JAG1: variants seen among roughly 807,000 people sequenced by gnomAD.
JAG1 encodes the protein jagged canonical Notch ligand 1.
Under a neutral mutation model 148.7 loss-of-function variants are expected in JAG1, and 23 were observed. That is an observed-to-expected ratio of 0.15 (90% CI 0.11 to 0.22). The LOEUF is 0.22. Ranked by LOEUF, JAG1 falls within the 10% of genes least tolerant of loss-of-function variation. The pLI, the probability that JAG1 is intolerant of heterozygous loss-of-function variation, is 1.00. For missense variants in JAG1, 1,054 were observed against 1,611.2 expected (o/e 0.65, Z 5.92); for synonymous variants, 572 against 598.3 (o/e 0.96, Z 0.64).
At chr20:10,640,105 G>A in intron 25 of JAG1, 150 bp from the exon 26 acceptor site, 2 of 709,222 alleles carry the variant, frequency 2.8e-6, no homozygotes, top group South Asian at 1.6e-5. Flanking sequence ...CATTGCATAT[G>A]GTCACTTCAC....
At position 10,639,677 on chromosome 20, in the gene JAG1, C is replaced by T. The variant is rs755047447; in HGVS notation, c.3478G>A (p.Asp1160Asn). The T allele has an allele frequency of 5.2e-5, 84 of 1,614,060 alleles. No homozygotes were observed. Among genetic ancestry groups the T allele is most frequent in the Admixed American group, 8.3e-5 (5 of 60,002 alleles). ...GCTTTCTGCTGGTGTTTGTCCATGT[C>T]GTCCTCTTCTACTTCAGAATTGTGT... Reference protein sequence around the residue: ...RTHNSEVEEDDMDKHQQKARF... With the variant: ...RTHNSEVEEDNMDKHQQKARF... Residue 1160 changes from aspartate to asparagine, a missense_variant, in exon 26 of 26, where the codon GAC (aspartate) becomes AAC (asparagine). Around this residue, in one of 6 missense-constraint regions of JAG1, gnomAD observed 177 missense variants for 177.3 expected, o/e 1.00. Transcript: ENST00000254958.
intron 3 of JAG1, among the ~76,000 whole-genome samples, chr20:10,663,369 A>G (rs1343108594): frequency 6.6e-6 from 1 of 152,224 alleles, no homozygotes; most frequent in Non-Finnish European, 1.5e-5. Context: ...ATCCACCAAA[A>G]CCAACCCCTC....
intron 19 of JAG1, 108 bp from the exon 20 acceptor site, chr20:10,643,971 G>A: frequency 1.2e-6 from 1 of 841,246 alleles, no homozygotes; most frequent in Non-Finnish European, 2.0e-6. Context: ...CTCACCCCAT[G>A]GCCGTTGCCT....
chr20:10,641,589 G>A lies in JAG1; in HGVS notation c.2787C>T (p.Pro929=), dbSNP rs1443854696. ...PILDDQCFVH[P]CTGVGECRSS... ...ACCGACACTCGCCCACACCAGTGCA[G>A]GGGTGGACGAAGCACTGGTCGTCCA... The change falls in exon 23 of 26, where the codon CCC becomes CCT. Residue 929 remains proline (P), a synonymous_variant. Transcript: ENST00000254958. 6.2e-7 allele frequency: 1 copy of A among 1,614,050 alleles called. No individual in the cohort carries two copies. The highest frequency in any genetic ancestry group is 1.3e-5 in the African/African-American group (1 of 74,946).
At chr20:10,650,542 A>C in intron 8 of JAG1, 182 bp from the exon 9 acceptor site, 2 of 597,622 alleles carry the variant, frequency 3.3e-6, no homozygotes, top group Non-Finnish European at 6.0e-6. Flanking sequence ...TTTAGCTTTA[A>C]ATCCCCCACT....
chr20:10,652,301 C>T (rs750401508), intron 6 of JAG1, 51 bp from the exon 7 acceptor site: 1 of 1,610,956 alleles, frequency 6.2e-7, no homozygotes, highest in Non-Finnish European at 8.5e-7. Flanking sequence ...AGATGGCGAA[C>T]CCACCATGTT....
rs1045589171 is a variant in JAG1 at position 10,672,797 on chromosome 20, C to T, written c.291G>A (p.Gly97=). 2.5e-6 allele frequency: 4 copies of T among 1,613,160 alleles called. No homozygotes were observed. In the South Asian group the frequency reaches 4.4e-5, roughly 18 times the overall value. ...TGTTGCCCCCGATGACAGGCGTGGA[C>T]CCTGAGCCGAAGCTGCAGGGCCCCC... is the stretch of plus-strand genomic sequence containing the variant. ...TAGGPCSFGS[G]STPVIGGNTF... is the part of the protein sequence containing the mutation. Residue 97 remains glycine, a synonymous_variant, in exon 2 of 26, where the codon GGG becomes GGA. Coordinates refer to ENST00000254958, the MANE Select transcript of JAG1 (RefSeq NM_000214.3).
In JAG1 at chr20:10,639,468, C is replaced by G; in HGVS notation, c.*30G>C. The stretch of plus-strand genomic sequence containing the variant: ...TTAAAGAACTACAAGCCCTCAGACT[C>G]TACCTAGCGGCGGCAGTGCCCGCGG... On this transcript the variant is annotated 3_prime_UTR_variant, in exon 26 of 26. Coordinates refer to ENST00000254958, the MANE Select transcript of JAG1 (RefSeq NM_000214.3). 1 of 1,586,168 alleles carries G rather than the reference C, an allele frequency of 6.3e-7. No individual in the cohort carries two copies. The highest frequency in any genetic ancestry group is 8.7e-7 in the Non-Finnish European group (1 of 1,154,254).
chr20:10,658,844 C>T (rs1213858457), intron 3 of JAG1, 122 bp from the exon 4 acceptor site: 1 of 1,124,772 alleles, frequency 8.9e-7, no homozygotes, highest in Non-Finnish European at 1.3e-6. Context: ...GTAAAAAAGG[C>T]AAAGAAATGA....
chr20:10,667,652 T>C (rs1247856237), intron 2 of JAG1, among the ~76,000 whole-genome samples: 1 of 152,134 alleles, frequency 6.6e-6, no homozygotes, highest in African/African-American at 2.4e-5. Context: ...CTGTAGGGCT[T>C]GACATGTCAA....
At chr20:10,651,253 C>A in intron 8 of JAG1, 1 of 288,192 alleles carries the variant, frequency 3.5e-6, no homozygotes, top group Non-Finnish European at 6.8e-6. Flanking sequence ...AAGTGACAAC[C>A]TCCCCTGAAG....
intron 2 of JAG1, among the ~76,000 whole-genome samples, chr20:10,665,488 G>C (rs1679252707): frequency 6.6e-6 from 1 of 152,176 alleles, no homozygotes; most frequent in South Asian, 2.1e-4. Context: ...TATTTTATTA[G>C]CGAAAGTTAT....
rs758876727 is a variant in JAG1, at chr20:10,649,561, C to A, written c.1309G>T (p.Asp437Tyr). The A allele has an allele frequency of 6.2e-7, 1 of 1,613,456 alleles. No homozygotes were observed. The highest frequency in any genetic ancestry group is 1.1e-5 in the South Asian group (1 of 91,066). ...CKNLIASYYC[D>Y]CLPGWMGQNC... ...TGACCCATCCAGCCGGGAAGACAGTCGCAGTAGTAGCTGGCAATGAGATTC... is the reference window on the plus strand; with the variant it reads ...TGACCCATCCAGCCGGGAAGACAGTAGCAGTAGTAGCTGGCAATGAGATTC... The change falls in exon 10 of 26, where the codon GAC (aspartate) becomes TAC (tyrosine). Residue 437 changes from aspartate to tyrosine, a missense_variant. By Grantham distance (160) the Asp-to-Tyr change is radical (BLOSUM62 -3). Transcript: ENST00000254958.
Position 10,645,053 on chromosome 20 carries a change from C to T in JAG1, c.2228-74G>A. 6.6e-7 allele frequency: 1 copy of T among 1,523,380 alleles called. No individual in the cohort carries two copies. The highest frequency in any genetic ancestry group is 9.1e-7 in the Non-Finnish European group (1 of 1,097,366). 94.4% of individuals were successfully genotyped at this position (1,523,380 alleles called of 1,614,324 possible). The stretch of plus-strand genomic sequence containing the variant: ...AGTCTGGAGGGGCAAGAACCAGGCC[C>T]AGAGAAATATCATAAGCTCCAGGGG... On this transcript the variant is annotated intron_variant, in intron 17 of 25. Coordinates refer to ENST00000254958, the MANE Select transcript of JAG1 (RefSeq NM_000214.3). The surrounding 1 kb of genome is among the most constrained non-coding windows in gnomAD (Gnocchi z 6.1).
rs780478823 is a variant in JAG1, at chr20:10,648,731, G to C, written c.1396-9C>G. 1.2e-6 allele frequency: 2 copies of C among 1,613,500 alleles called. No individual in the cohort carries two copies. Among genetic ancestry groups the C allele is most frequent in the African/African-American group, 2.7e-5 (2 of 74,920 alleles). ...TAACCATTAACCAAATCCTAGAAGA[G>C]GAGAAGGGGAGAGAGAGACACATGC... On this transcript the variant is annotated splice_polypyrimidine_tract_variant and intron_variant, in intron 11 of 25. Transcript: ENST00000254958.
At position 10,640,892 on chromosome 20, in the gene JAG1, T is replaced by C. The variant is rs773663158; in HGVS notation, c.3090A>G (p.Glu1030=). The C allele has an allele frequency of 6.2e-7, 1 of 1,614,160 alleles. No individual in the cohort carries two copies. Among genetic ancestry groups the C allele is most frequent in the Non-Finnish European group, 8.5e-7 (1 of 1,179,982 alleles). ...DIRDDGNPIK[E]ITDKIIDLVS... is the part of the protein sequence containing the mutation. ...CAAGATCGATTATTTTGTCAGTGAT[T>C]TCCTTGATCGGGTTCCCATCATCCC... The change falls in exon 25 of 26, where the codon GAA becomes GAG. Residue 1030 remains glutamate, a synonymous_variant. Transcript: ENST00000254958.
rs1342648621 is a variant in JAG1, at chr20:10,645,009, T to TC, written c.2228-31dup. 3 of 1,572,852 alleles carry TC rather than the reference T, an allele frequency of 1.9e-6. No homozygotes were observed. The highest frequency in any genetic ancestry group is 1.7e-5 in the Admixed American group (1 of 59,948). ...AAAAGAAGAGCAGACACGACCACCC[T>TC]CCCTGAGTATCCAGAAACAGTCTGG... On this transcript the variant is annotated intron_variant, in intron 17 of 25. Transcript: ENST00000254958. This position sits in a 1 kb window ranked among gnomAD's most constrained non-coding sequence, Gnocchi z 6.1.
At chr20:10,644,012 G>A (rs929393583) in intron 19 of JAG1, 149 bp from the exon 20 acceptor site, 3 of 727,232 alleles carry the variant, frequency 4.1e-6, no homozygotes, top group Non-Finnish European at 7.3e-6. Context: ...TGATGCCTGG[G>A]TCCCACCCCC....
rs2067304165 is a variant in JAG1, at chr20:10,645,687, T to C, written c.2000-218A>G. On this transcript the variant is annotated intron_variant, in intron 15 of 25. Coordinates refer to ENST00000254958, the MANE Select transcript of JAG1 (RefSeq NM_000214.3). The surrounding 1 kb of genome is among the most constrained non-coding windows in gnomAD (Gnocchi z 6.1). ...TTAGGCAAGATGTGGGGTGGGCCTC[T>C]GGAAGTCCCATGGAAATGAAAGTAG... 1.6e-6 allele frequency: 1 copy of C among 625,478 alleles called. No individual in the cohort carries two copies. The highest frequency in any genetic ancestry group is 2.7e-5 in the East Asian group (1 of 36,672). The allele number at this position is 625,478 out of a possible 1,614,324, so 38.7% of individuals were successfully genotyped here. A position where few individuals can be genotyped will look rare whatever the true frequency, so the allele number is the denominator to read the frequency against.
Sources: allele counts gnomAD v4.1 joint callset (sites outside exome capture counted in the v4.1 genomes callset), GRCh38; gene constraint gnomAD v4.1.1; regional missense constraint gnomAD v4.1.1; non-coding constraint Gnocchi (gnomAD v3.1); transcripts MANE v1.5; gene names NCBI Gene and HGNC (gene_info 2026-07-23, HGNC 2026-07-21).